Variants in QRICH2 observed in about 807,000 individuals in gnomAD.
QRICH2 encodes the protein glutamine-rich protein 2.
QRICH2 carries 119 observed loss-of-function variants against 168.3 expected under a neutral mutation model. The observed-to-expected ratio is 0.71, with a 90% confidence interval of 0.61 to 0.82. The LOEUF (loss-of-function observed/expected upper bound fraction) is 0.82, where lower values mean the gene tolerates loss of function less well. QRICH2 is among the 40% of genes least tolerant of loss of function. The probability of loss-of-function intolerance (pLI) is 0.00; values close to 1 mark genes in which losing one functional copy is unlikely to be tolerated. For missense variants in QRICH2, 2,241 were observed against 2,491.6 expected, an observed-to-expected ratio of 0.90 and a Z score of 2.14; for synonymous variants, 894 against 951.2, an observed-to-expected ratio of 0.94 and a Z score of 1.11.
rs1020108797 is a variant in QRICH2, at chr17:76,276,683, C to T, written c.5350G>A (p.Asp1784Asn). 1.9e-6 allele frequency: 3 copies of T among 1,613,660 alleles called. No homozygotes were observed. The highest frequency in any genetic ancestry group is 2.5e-6 in the Non-Finnish European group (3 of 1,179,800). ...GGGGCCTCTGGACTCCACTCACTGT[C>T]TTTTCGGAGGATGCCTGGCAGCCTT... The part of the protein sequence containing the change: ...DTRLPGILRK[D>N]SSGTSKRKSQ... Residue 1784 changes from aspartate to asparagine, a missense_variant, in exon 17 of 19, where the codon GAC (aspartate) becomes AAC (asparagine). This residue lies in a region of QRICH2 where 189 missense variants were observed against 169.3 expected (regional missense o/e 1.12). Coordinates refer to ENST00000680821, the MANE Select transcript of QRICH2 (RefSeq NM_001388453.1).
In QRICH2 at chr17:76,275,913, G is replaced by A. The variant is rs751162159; in HGVS notation, c.5388C>T (p.Pro1796=). ...SGTSKRKSQQ[P]RPHVHRPPSL... ...ATGGCGGCCTGTGCACGTGGGGCCT[G>A]GGCTGCTGGGACTTGCGCTTTGAGG... The change falls in exon 18 of 19, where the codon CCC becomes CCT. Residue 1796 remains proline (P), a synonymous_variant. Transcript: ENST00000680821. 6.2e-6 allele frequency: 10 copies of A among 1,608,756 alleles called. No individual in the cohort carries two copies. In the African/African-American group the frequency reaches 1.3e-4, roughly 21 times the overall value.
intron 18 of QRICH2, among the ~76,000 whole-genome samples, chr17:76,274,697 G>A (rs963761389): frequency 2.0e-5 from 3 of 152,184 alleles, no homozygotes; most frequent in African/African-American, 7.2e-5. Context: ...CTGGGAGCCA[G>A]GGTGACAGTC....
intron 1 of QRICH2, among the ~76,000 whole-genome samples, chr17:76,306,168 C>CAA (rs368182885): frequency 0.14 from 9,468 of 66,322 alleles, 693 homozygotes; most frequent in Admixed American, 0.16. Context: ...GAATGTGTCT[C>CAA]AAAAAAAAAA....
intron 17 of QRICH2, 31 bp from the exon 18 acceptor site, chr17:76,275,978 C>G (rs1406622922): frequency 6.3e-7 from 1 of 1,599,618 alleles, no homozygotes; most frequent in East Asian, 2.2e-5. Context: ...AGGGTCAGTG[C>G]TGAGGCAGCG....
At position 76,291,192 on chromosome 17, in the gene QRICH2, G is replaced by A. The variant is rs777214459; in HGVS notation, c.3535C>T (p.Arg1179Ter). 20 of 1,613,954 alleles carry A rather than the reference G, an allele frequency of 1.2e-5. 1 individual carries two copies. Among genetic ancestry groups the A allele is most frequent in the South Asian group, 8.8e-5 (8 of 91,080 alleles). ...CTCATTCTACGCAGTGAATTGCGTC[G>A]CTCACTCAGGACTTCACTCGAGACT... ...SEVSSEVLSE[R>*]RNSLRRMSSS... The change falls in exon 4 of 19, where the codon CGA (arginine) becomes TGA (stop). Residue 1179 changes from arginine to a stop codon, truncating the protein, a stop_gained. Transcript: ENST00000680821. LOFTEE classifies it high-confidence loss of function.
At chr17:76,279,592 C>T (rs1384841879) in intron 12 of QRICH2, among the ~76,000 whole-genome samples, 164 bp from the exon 13 acceptor site, 2 of 152,174 alleles carry the variant, frequency 1.3e-5, no homozygotes, top group East Asian at 1.9e-4. Context: ...CATCCCAGAC[C>T]TCCCTGTCCT....
At chr17:76,285,896 G>A (rs1216422875) in intron 7 of QRICH2, among the ~76,000 whole-genome samples, 1 of 151,522 alleles carries the variant, frequency 6.6e-6, no homozygotes, top group Non-Finnish European at 1.5e-5. Flanking sequence ...ATTATGGCCA[G>A]GTGCGGTGGC....
At chr17:76,276,866 C>A in intron 16 of QRICH2, 99 bp from the exon 17 acceptor site, 1 of 987,668 alleles carries the variant, frequency 1.0e-6, no homozygotes, top group South Asian at 1.5e-5. Context: ...GGTCTCAGAA[C>A]CCTCCTGGGG....
At chr17:76,299,507 C>G (rs1220708020) in intron 3 of QRICH2, among the ~76,000 whole-genome samples, 2 of 152,014 alleles carry the variant, frequency 1.3e-5, no homozygotes, top group African/African-American at 4.8e-5. Context: ...GAAGCCGAGG[C>G]GGGCGGATCA....
Position 76,293,179 on chromosome 17 carries a change from T to A in QRICH2, c.1548A>T (p.Thr516=), listed in dbSNP as rs148591859. ...GGCCATGTTGATCGACGACAGGCAA[T>A]GTCAATCCTTGCTGGTCTATACCAG... ...VPPGIDQQGL[T]LPVVDQHGLV... Residue 516 remains threonine (T), a synonymous_variant, in exon 4 of 19, where the codon ACA becomes ACT. Coordinates refer to ENST00000680821, the MANE Select transcript of QRICH2 (RefSeq NM_001388453.1). The A allele has an allele frequency of 6.2e-7, 1 of 1,614,228 alleles. No individual in the cohort carries two copies. The highest frequency in any genetic ancestry group is 2.2e-5 in the East Asian group (1 of 44,894).
At chr17:76,289,103 CAA>C (rs541768411) in intron 5 of QRICH2, among the ~76,000 whole-genome samples, 18 of 81,472 alleles carry the variant, frequency 2.2e-4, no homozygotes, top group Non-Finnish European at 1.6e-4. Context: ...GACTGTGTCT[CAA>C]AAAAAAAAAA....
At chr17:76,289,414 C>T (rs149511830) in intron 5 of QRICH2, among the ~76,000 whole-genome samples, 5,056 of 151,996 alleles carry the variant, frequency 0.033, 307 homozygotes, top group African/African-American at 0.12. Flanking sequence ...CTCGAGCTCC[C>T]GGGCTCAAGT....
At chr17:76,306,947 T>C (rs2143415960) in intron 1 of QRICH2, among the ~76,000 whole-genome samples, 1 of 151,846 alleles carries the variant, frequency 6.6e-6, no homozygotes, top group South Asian at 2.1e-4. Context: ...GTCATGGCCA[T>C]AGGAAGCTGA....
upstream of QRICH2, among the ~76,000 whole-genome samples, chr17:76,309,061 T>G (rs1025886665): frequency 6.8e-6 from 1 of 146,382 alleles, no homozygotes; most frequent in South Asian, 2.3e-4. Flanking sequence ...ATAAATTAAT[T>G]GATCTCAAAA....
intron 14 of QRICH2, 127 bp downstream of exon 14, chr17:76,278,914 A>G (rs1228935451): frequency 7.5e-6 from 6 of 801,308 alleles, no homozygotes; most frequent in Admixed American, 2.0e-5. Context: ...GGCTCTCCAC[A>G]CTGTCCCACA....
At chr17:76,290,418 G>A (rs1392211190) in intron 4 of QRICH2, among the ~76,000 whole-genome samples, 1 of 152,148 alleles carries the variant, frequency 6.6e-6, no homozygotes, top group Non-Finnish European at 1.5e-5. Context: ...GTCTTGCTCT[G>A]TCACCCAGGC....
rs1453393521 is a variant in QRICH2, at chr17:76,293,848, G to T, written c.879C>A (p.His293Gln). ...CCCTACTGGAAACCCCATCAGAGGG[G>T]TGTGCTGTGCCACCAGATCCTGATG... ...RTASGSGGTA[H>Q]PSDGVSSREQ... The change falls in exon 4 of 19, where the codon CAC (histidine) becomes CAA (glutamine). Residue 293 changes from histidine (H) to glutamine (Q), a missense_variant. Physicochemically the swap from His to Gln is conservative, Grantham distance 24 (BLOSUM62 0). Coordinates refer to ENST00000680821, the MANE Select transcript of QRICH2 (RefSeq NM_001388453.1). 1.9e-6 allele frequency: 3 copies of T among 1,613,948 alleles called. No individual in the cohort carries two copies. The highest frequency in any genetic ancestry group is 2.7e-5 in the African/African-American group (2 of 74,906).
In QRICH2 at chr17:76,280,914, G is replaced by A. The variant is rs1282784302; in HGVS notation, c.4303C>T (p.Gln1435Ter). 6.2e-7 allele frequency: 1 copy of A among 1,612,594 alleles called. No homozygotes were observed. The highest frequency in any genetic ancestry group is 8.5e-7 in the Non-Finnish European group (1 of 1,180,004). Residue 1435 changes from glutamine to a stop codon, truncating the protein, a stop_gained, in exon 9 of 19, where the codon CAG becomes TAG. Transcript: ENST00000680821. LOFTEE classifies it high-confidence loss of function. The surrounding 1 kb of genome is among the most constrained non-coding windows in gnomAD (Gnocchi z 7.4). The part of the protein sequence containing the change: ...LLGRVQSAIL[Q>*]VQGDCEKLNI... ...AGCTTCTCGCAGTCACCCTGCACCT[G>A]CAGGATGGCACTCTGCACACGGCCC...
intron 3 of QRICH2, chr17:76,301,428 T>C: frequency 4.1e-6 from 1 of 246,052 alleles, no homozygotes; most frequent in Non-Finnish European, 8.4e-6. Flanking sequence ...ATTAGCTAGG[T>C]ATGGTGGTAC....
Sources: gnomAD v4.1 joint callset for allele counts (sites outside exome capture counted in the v4.1 genomes callset) on GRCh38, gnomAD v4.1.1 for gene constraint, gnomAD v4.1.1 regional missense constraint, Gnocchi (gnomAD v3.1) non-coding constraint, MANE v1.5 for transcripts, NCBI Gene and HGNC (gene_info 2026-07-23, HGNC 2026-07-21) for gene names.